Variants in ELP3 observed in about 807,000 individuals in gnomAD.
ELP3 encodes the protein elongator complex protein 3.
In ELP3, 56 loss-of-function variants were observed where a neutral mutation model predicts 74.9. That is an observed-to-expected ratio of 0.75 (90% CI 0.60 to 0.93). The LOEUF (loss-of-function observed/expected upper bound fraction) is 0.93. Ranked by LOEUF, ELP3 falls within the 40% of genes least tolerant of loss-of-function variation. The pLI, the probability that ELP3 is intolerant of heterozygous loss-of-function variation, is 0.00. For missense variants in ELP3, 573 were observed against 686.5 expected (o/e 0.83, Z 1.85); for synonymous variants, 222 against 239.8 (o/e 0.93, Z 0.68).
At chr8:28,093,039 G>C, upstream of ELP3, 2 of 1,057,846 alleles carry the variant, frequency 1.9e-6, no homozygotes, top group Non-Finnish European at 2.8e-6. Context: ...TACCCTGTTA[G>C]TTGCAACACG....
intron 14 of ELP3, among the ~76,000 whole-genome samples, chr8:28,188,851 G>A (rs1269725023): frequency 6.6e-6 from 1 of 152,166 alleles, no homozygotes; most frequent in Non-Finnish European, 1.5e-5. Flanking sequence ...TAGGCAACCT[G>A]CAGCCCCTCT....
At position 28,142,767 on chromosome 8, in the gene ELP3, T is replaced by G. The variant is rs118155963; in HGVS notation, c.1100+4876T>G. Among the ~76,000 whole-genome samples the G allele has an allele frequency of 4.9e-3, 754 of 152,354 alleles. 5 individuals carry two copies. Among genetic ancestry groups the G allele is most frequent in the African/African-American group, 0.017 (703 of 41,578 alleles). On this transcript the variant is annotated intron_variant, in intron 10 of 14. Transcript: ENST00000256398. ...AGATTTTTTAGTACAAAGACTAATA[T>G]GTTCATAGTATTTTCCATTTTGTTT...
chr8:28,170,246 G>A (rs1355671737), intron 14 of ELP3, among the ~76,000 whole-genome samples: 1 of 152,206 alleles, frequency 6.6e-6, no homozygotes, highest in African/African-American at 2.4e-5. Context: ...TTTGGATGCT[G>A]TCAGCCGTAG....
At chr8:28,099,681 A>G in intron 2 of ELP3, 147 bp from the exon 3 acceptor site, 1 of 875,186 alleles carries the variant, frequency 1.1e-6, no homozygotes, top group South Asian at 1.6e-5. Flanking sequence ...TATTTCCCTG[A>G]TAGTCACAGA....
At chr8:28,144,418 TGGGAAACACG>T (rs942733445) in intron 10 of ELP3, among the ~76,000 whole-genome samples, 1 of 152,176 alleles carries the variant, frequency 6.6e-6, no homozygotes, top group Non-Finnish European at 1.5e-5. Context: ...AAGACCAGCC[TGGGAAACACG>T]GTGAAACCTC....
At chr8:28,155,327 G>A (rs1813784377) in intron 10 of ELP3, among the ~76,000 whole-genome samples, 1 of 152,154 alleles carries the variant, frequency 6.6e-6, no homozygotes, top group Admixed American at 6.5e-5. Context: ...AGCTCTTGAT[G>A]GAAGTTTCCT....
At position 28,107,892 on chromosome 8, in the gene ELP3, GTTC is replaced by G. The variant is rs759137175; in HGVS notation, c.330-18_330-16del. The G allele has an allele frequency of 1.2e-6, 2 of 1,610,978 alleles. No homozygotes were observed. Among genetic ancestry groups the G allele is most frequent in the Non-Finnish European group, 1.7e-6 (2 of 1,177,788 alleles). Reference sequence around the variant, plus strand: ...ACTCAGTTTTGCATCTGACATTCTTGTTCTTTTGTTGTACTGGCAGATACTGCC... The same window carrying G: ...ACTCAGTTTTGCATCTGACATTCTTGTTTTGTTGTACTGGCAGATACTGCC... On this transcript the variant is annotated intron_variant, in intron 4 of 14. Coordinates refer to ENST00000256398, the MANE Select transcript of ELP3 (RefSeq NM_018091.6).
At chr8:28,180,406 AT>A (rs1409345252) in intron 14 of ELP3, among the ~76,000 whole-genome samples, 1 of 152,182 alleles carries the variant, frequency 6.6e-6, no homozygotes, top group Non-Finnish European at 1.5e-5. Flanking sequence ...CCATCCATTG[AT>A]GCATTGGTCC....
chr8:28,133,952 G>T (rs974795479), intron 9 of ELP3, among the ~76,000 whole-genome samples: 1 of 151,454 alleles, frequency 6.6e-6, no homozygotes, highest in African/African-American at 2.4e-5. Flanking sequence ...TTATTATCAT[G>T]ATTATTATTA....
intron 12 of ELP3, among the ~76,000 whole-genome samples, 176 bp downstream of exon 12, chr8:28,158,809 A>T (rs1347864310): frequency 6.6e-6 from 1 of 152,196 alleles, no homozygotes; most frequent in African/African-American, 2.4e-5. Context: ...GAATTCTAGA[A>T]GAGCCAGGTT....
At chr8:28,122,268 T>G (rs1025826382) in intron 7 of ELP3, among the ~76,000 whole-genome samples, 1 of 152,212 alleles carries the variant, frequency 6.6e-6, no homozygotes, top group Non-Finnish European at 1.5e-5. Flanking sequence ...TATAATTTTG[T>G]TGTCAGGTAT....
chr8:28,137,958 A>G (rs1474090298), intron 10 of ELP3, 67 bp downstream of exon 10: 3 of 1,371,374 alleles, frequency 2.2e-6, no homozygotes, highest in Non-Finnish European at 2.9e-6. Context: ...TCATGGAAAT[A>G]GTCTGATTTC....
At chr8:28,142,893 C>T (rs999933576) in intron 10 of ELP3, among the ~76,000 whole-genome samples, 3 of 151,880 alleles carry the variant, frequency 2.0e-5, no homozygotes, top group Non-Finnish European at 4.4e-5. Flanking sequence ...TTACTGTGGA[C>T]TGAGGTTCAG....
chr8:28,161,024 C>T (rs10087429), intron 13 of ELP3, among the ~76,000 whole-genome samples: 3,797 of 152,120 alleles, frequency 0.025, 179 homozygotes, highest in African/African-American at 0.087. Flanking sequence ...AGTAAGAAAT[C>T]GTCTAATACT....
rs571798514 is a variant in ELP3, at chr8:28,113,369, C to T, written c.617+196C>T. On this transcript the variant is annotated intron_variant, in intron 7 of 14. Coordinates refer to ENST00000256398, the MANE Select transcript of ELP3 (RefSeq NM_018091.6). Reference sequence around the variant, plus strand: ...TCTTTTCCAGTGAAAATAATCCTTTCACTGAAATAATCCTTTTAAAGAAAA... The same window carrying T: ...TCTTTTCCAGTGAAAATAATCCTTTTACTGAAATAATCCTTTTAAAGAAAA... Among the ~76,000 whole-genome samples, 6 of 78,576 alleles carry T rather than the reference C, an allele frequency of 7.6e-5. No homozygotes were observed. In the South Asian group the frequency reaches 2.4e-3, roughly 31 times the overall value. The allele number at this position is 78,576 out of a possible 152,430, so 51.5% of individuals were successfully genotyped here.
At chr8:28,127,204 T>C (rs1188720028) in intron 7 of ELP3, among the ~76,000 whole-genome samples, 1 of 152,202 alleles carries the variant, frequency 6.6e-6, no homozygotes, top group Non-Finnish European at 1.5e-5. Flanking sequence ...CAGTGTCCTC[T>C]GTATGTCCTT....
At chr8:28,128,948 T>C (rs571221519) in intron 7 of ELP3, among the ~76,000 whole-genome samples, 1 of 152,358 alleles carries the variant, frequency 6.6e-6, no homozygotes, top group East Asian at 1.9e-4. Flanking sequence ...TTGTAAATCA[T>C]TGCTAAGATT....
intron 10 of ELP3, among the ~76,000 whole-genome samples, chr8:28,148,019 A>T (rs1813496479): frequency 6.6e-6 from 1 of 152,218 alleles, no homozygotes. Context: ...TTGTACTGAT[A>T]TACATAAATG....
At chr8:28,184,671 A>G (rs989269085) in intron 14 of ELP3, among the ~76,000 whole-genome samples, 1 of 152,214 alleles carries the variant, frequency 6.6e-6, no homozygotes, top group African/African-American at 2.4e-5. Context: ...TGGTAGACAA[A>G]TATAGGTTGA....
Sources: allele counts gnomAD v4.1 joint callset (sites outside exome capture counted in the v4.1 genomes callset), GRCh38; gene constraint gnomAD v4.1.1; transcripts MANE v1.5; gene names NCBI Gene and HGNC (gene_info 2026-07-23, HGNC 2026-07-21).